NBPF3: variants seen among roughly 807,000 people sequenced by gnomAD.
NBPF3 encodes the protein NBPF family member NBPF3.
In NBPF3, 57 loss-of-function variants were observed where a neutral mutation model predicts 78.1. The observed-to-expected ratio is 0.73, with a 90% CI of 0.59 to 0.91. The LOEUF (loss-of-function observed/expected upper bound fraction) is 0.91. Among genes scored for constraint, NBPF3 ranks in the 40% least tolerant of loss-of-function variants. The pLI is 0.00. For missense variants in NBPF3, 510 were observed against 715.3 expected (o/e 0.71, Z 3.27); for synonymous variants, 182 against 271.7 (o/e 0.67, Z 3.25).
intron 2 of NBPF3, among the ~76,000 whole-genome samples, chr1:21,455,438 A>T (rs977718148): frequency 6.6e-6 from 1 of 152,210 alleles, no homozygotes; most frequent in African/African-American, 2.4e-5. Context: ...AGTATAACAG[A>T]TTTCTGCTTC....
intron 1 of NBPF3, chr1:21,440,850 T>G (rs1309235899): frequency 6.6e-6 from 1 of 152,210 alleles, no homozygotes; most frequent in African/African-American, 2.4e-5. Flanking sequence ...TGAGGAGCGT[T>G]TGTAGCCATC....
At chr1:21,451,980 G>A (rs184496346) in intron 2 of NBPF3, 453 of 275,012 alleles carry the variant, frequency 1.6e-3, no homozygotes, top group Middle Eastern at 8.5e-3. Context: ...GAGATGGGTC[G>A]TTTATTTCTC....
chr1:21,445,171 G>A lies in NBPF3; in HGVS notation c.85G>A (p.Ala29Thr). ...AACTTCCCCATTCGGTGCACCAAGA[G>A]CAGCCTCACATGGTGTGGGCCGACA... ...VETSPFGAPR[A>T]ASHGVGRHQE... is the part of the protein sequence containing the mutation. The change falls in exon 2 of 15, where the codon GCA becomes ACA. Residue 29 changes from alanine (A) to threonine (T), a missense_variant. Physicochemically the swap from Ala to Thr is moderately conservative, Grantham distance 58. Coordinates refer to ENST00000318249, the MANE Select transcript of NBPF3 (RefSeq NM_032264.6). The A allele has an allele frequency of 6.2e-7, 1 of 1,611,966 alleles. No individual in the cohort carries two copies. Among genetic ancestry groups the A allele is most frequent in the Non-Finnish European group, 8.5e-7 (1 of 1,179,854 alleles).
intron 1 of NBPF3, among the ~76,000 whole-genome samples, chr1:21,443,997 ATTG>A (rs1440916353): frequency 1.3e-5 from 2 of 152,236 alleles, no homozygotes; most frequent in East Asian, 1.9e-4. Flanking sequence ...TATAGTATTC[ATTG>A]TTGTTATTAT....
At chr1:21,441,128 G>A (rs1276689933) in intron 1 of NBPF3, among the ~76,000 whole-genome samples, 1 of 152,180 alleles carries the variant, frequency 6.6e-6, no homozygotes, top group Non-Finnish European at 1.5e-5. Context: ...TCTGGCAGTG[G>A]TACCTTTTCT....
chr1:21,451,820 A>G, intron 2 of NBPF3: 1 of 371,056 alleles, frequency 2.7e-6, no homozygotes, highest in Non-Finnish European at 4.0e-6. Flanking sequence ...GTAAAAACTC[A>G]GATCTTGGTA....
Position 21,468,823 on chromosome 1 carries a change from A to G in NBPF3, c.269A>G (p.Gln90Arg), listed in dbSNP as rs747871166. ...SRPQLAENKQ[Q>R]FRNLKQKCLV... ...CCCCAGCTGGCAGAGAACAAACAGCAGTTCAGAAACCTCAAACAGAAATGT... is the reference window on the plus strand; with the variant it reads ...CCCCAGCTGGCAGAGAACAAACAGCGGTTCAGAAACCTCAAACAGAAATGT... The change falls in exon 3 of 15, where the codon CAG (glutamine) becomes CGG (arginine). Residue 90 changes from glutamine to arginine, a missense_variant. Around this residue, in one of 5 missense-constraint regions of NBPF3, gnomAD observed 440 missense variants for 478.2 expected, o/e 0.92. Transcript: ENST00000318249. The G allele has an allele frequency of 6.2e-7, 1 of 1,614,098 alleles. No individual in the cohort carries two copies. Among genetic ancestry groups the G allele is most frequent in the African/African-American group, 1.3e-5 (1 of 74,924 alleles).
rs778123168 is a variant in NBPF3, at chr1:21,473,448, C to G, written c.803C>G (p.Ser268Ter). The G allele has an allele frequency of 2.3e-5, 37 of 1,614,208 alleles. No homozygotes were observed. The highest frequency in any genetic ancestry group is 3.1e-5 in the Non-Finnish European group (37 of 1,180,036). Reference protein sequence around the residue: ...DSLEECAITCSNSHHPCESNQ... With the variant: ...DSLEECAITC ...CTGGAGGAGTGTGCCATCACTTGTT[C>G]AAATAGCCACCACCCTTGTGAGTCC... Residue 268 changes from serine to a stop codon, truncating the protein, a stop_gained, in exon 7 of 15, where the codon TCA becomes TGA. Transcript: ENST00000318249. LOFTEE classifies it high-confidence loss of function.
At chr1:21,477,807 G>T (rs1383410702) in intron 8 of NBPF3, among the ~76,000 whole-genome samples, 2 of 152,202 alleles carry the variant, frequency 1.3e-5, no homozygotes, top group Non-Finnish European at 2.9e-5. Flanking sequence ...AATGCTGCAT[G>T]TAAAATTCAT....
Position 21,465,901 on chromosome 1 carries a change from T to A in NBPF3, c.134-2787T>A, listed in dbSNP as rs555055858. Reference sequence around the variant, plus strand: ...GCAAGTTCTTTCACATTCAGGACAGTTGTGTTCACTAGATCAGAGGCACTG... The same window carrying A: ...GCAAGTTCTTTCACATTCAGGACAGATGTGTTCACTAGATCAGAGGCACTG... On this transcript the variant is annotated intron_variant, in intron 2 of 14. Transcript: ENST00000318249. 2.6e-5 allele frequency among the ~76,000 whole-genome samples: 4 copies of A among 152,320 alleles called. No individual in the cohort carries two copies. In the East Asian group the frequency reaches 7.7e-4, roughly 29 times the overall value.
At chr1:21,443,652 T>C (rs1218699721) in intron 1 of NBPF3, among the ~76,000 whole-genome samples, 15 of 152,118 alleles carry the variant, frequency 9.9e-5, no homozygotes, top group Admixed American at 5.9e-4. Flanking sequence ...CTCGCTCTGT[T>C]GCCCAGGCTG....
At chr1:21,473,727 C>T (rs904419282) in intron 7 of NBPF3, 142 bp downstream of exon 7, 2 of 743,106 alleles carry the variant, frequency 2.7e-6, no homozygotes, top group Non-Finnish European at 4.6e-6. Context: ...GTTTTCTGTC[C>T]TTCTCAGCTC....
chr1:21,446,546 C>T (rs1189695683), intron 2 of NBPF3: 3 of 136,544 alleles, frequency 2.2e-5, no homozygotes, highest in African/African-American at 8.0e-5. Context: ...CTCCCTCCCA[C>T]CCACCCTCCC....
At chr1:21,472,968 C>A in intron 6 of NBPF3, 53 bp downstream of exon 6, 1 of 1,306,778 alleles carries the variant, frequency 7.7e-7, no homozygotes, top group Non-Finnish European at 1.1e-6. Flanking sequence ...TGAAAAAGGT[C>A]TAGGAGGCAC....
rs1289003588 is a variant in NBPF3, at chr1:21,480,336, G to A, written c.1381+113G>A. On this transcript the variant is annotated intron_variant, in intron 11 of 14. Transcript: ENST00000318249. ...CGAGAGATGTCATTGCCACAGGCAG[G>A]ACCCGTGGGCGCATAGAGGTTGTAA... 5.3e-6 allele frequency: 3 copies of A among 567,898 alleles called. 1 individual carries two copies. In the Admixed American group the frequency reaches 8.4e-5, roughly 16 times the overall value. The allele number at this position is 567,898 out of a possible 1,614,324, so 35.2% of individuals were successfully genotyped here. A position where few individuals can be genotyped will look rare whatever the true frequency, so the allele number is the denominator to read the frequency against.
chr1:21,474,207 TTTC>T (rs1277747641), intron 7 of NBPF3, among the ~76,000 whole-genome samples: 5 of 73,998 alleles, frequency 6.8e-5, no homozygotes, highest in Non-Finnish European at 9.5e-5. Flanking sequence ...TCTTTTTCTT[TTTC>T]TTTTTTTTTT....
At chr1:21,436,855 G>A (rs1640436064), upstream of NBPF3, 2 of 780,704 alleles carry the variant, frequency 2.6e-6, no homozygotes, top group Non-Finnish European at 3.5e-6. This position sits in a 1 kb window ranked among gnomAD's most constrained non-coding sequence, Gnocchi z 4.3. Flanking sequence ...AGGCCCGGGG[G>A]GAGGGGCTCG....
upstream of NBPF3, among the ~76,000 whole-genome samples, chr1:21,439,503 A>C (rs1205384634): frequency 2.0e-5 from 3 of 152,110 alleles, no homozygotes. Flanking sequence ...AAAAAAAATA[A>C]AAATAAAAAA....
chr1:21,446,340 A>C (rs1290209778), intron 2 of NBPF3: 1 of 152,218 alleles, frequency 6.6e-6, no homozygotes, highest in African/African-American at 2.4e-5. Flanking sequence ...ATATGGTTTT[A>C]CAGTAGCGCA....
Sources: allele counts gnomAD v4.1 joint callset (sites outside exome capture counted in the v4.1 genomes callset), GRCh38; gene constraint gnomAD v4.1.1; regional missense constraint gnomAD v4.1.1; non-coding constraint Gnocchi (gnomAD v3.1); transcripts MANE v1.5; gene names NCBI Gene and HGNC (gene_info 2026-07-23, HGNC 2026-07-21).